F11: variants seen among roughly 807,000 people sequenced by gnomAD.
The protein encoded by F11 is coagualtion factor XI.
In F11, 78 loss-of-function variants were observed where a neutral mutation model predicts 76.5. The ratio of observed to expected loss-of-function variants is 1.02; its 90% confidence interval spans 0.85 to 1.23. The LOEUF is 1.23. Among genes scored for constraint, F11 ranks in the 50% most tolerant of loss-of-function variants. The probability of loss-of-function intolerance (pLI) is 0.00; values close to 1 mark genes in which losing one functional copy is unlikely to be tolerated. For missense variants in F11, 742 were observed against 771.4 expected (o/e 0.96, Z 0.45); for synonymous variants, 278 against 276.3 (o/e 1.01, Z -0.06).
At chr4:186,279,210 C>T (rs374375137) in intron 7 of F11, among the ~76,000 whole-genome samples, 21 of 152,112 alleles carry the variant, frequency 1.4e-4, no homozygotes, top group Middle Eastern at 3.4e-3. Flanking sequence ...GGTGAAACCC[C>T]GTCTCTACTA....
rs760075694 is a variant in F11 at position 186,273,190 on chromosome 4, C to T, written c.325+13C>T. On this transcript the variant is annotated intron_variant, in intron 4 of 14. Coordinates refer to ENST00000403665, the MANE Select transcript of F11 (RefSeq NM_000128.4). ...CACCAAATAAGCGGTAAGATATGTT[C>T]TCAGAATCAACAAATACCAGCTGTG... 6.3e-7 allele frequency: 1 copy of T among 1,589,490 alleles called. No individual in the cohort carries two copies. The highest frequency in any genetic ancestry group is 1.3e-5 in the African/African-American group (1 of 74,594).
rs1741191220 is a variant in F11 at position 186,286,090 on chromosome 4, A to G, written c.1480+277A>G. On this transcript the variant is annotated intron_variant, in intron 12 of 14. Coordinates refer to ENST00000403665, the MANE Select transcript of F11 (RefSeq NM_000128.4). ...TTCATAATACTTTGGAATAGTAAAGATAATTTAGTCTAAAGATAATTTATT... is the reference window on the plus strand; with the variant it reads ...TTCATAATACTTTGGAATAGTAAAGGTAATTTAGTCTAAAGATAATTTATT... 3 of 542,132 alleles carry G rather than the reference A, an allele frequency of 5.5e-6. No individual in the cohort carries two copies. The Admixed American group carries it at 9.5e-5, about 17-fold the overall frequency. 33.6% of individuals were successfully genotyped at this position (542,132 alleles called of 1,614,324 possible). A position where few individuals can be genotyped will look rare whatever the true frequency, so the allele number is the denominator to read the frequency against.
chr4:186,284,981 G>A (rs953053425), intron 11 of F11, among the ~76,000 whole-genome samples: 9 of 151,980 alleles, frequency 5.9e-5, no homozygotes, highest in African/African-American at 1.7e-4. Flanking sequence ...GAACGAGTTC[G>A]GTATGCATCC....
At chr4:186,276,468 T>G in intron 7 of F11, 78 bp downstream of exon 7, 5 of 1,541,352 alleles carry the variant, frequency 3.2e-6, no homozygotes, top group Non-Finnish European at 4.5e-6. Flanking sequence ...AAATTCCAAG[T>G]AACTAAAAAT....
rs1339055574 is a variant in F11, at chr4:186,280,303, G to T, written c.946G>T (p.Ala316Ser). 1 of 1,614,132 alleles carries T rather than the reference G, an allele frequency of 6.2e-7. No individual in the cohort carries two copies. The highest frequency in any genetic ancestry group is 1.1e-5 in the South Asian group (1 of 91,084). Reference sequence around the variant, plus strand: ...TATTGTTGCTGCAAAAAGTCACGAGGCCTGCCAGAAACTGTGCACCAATGC... The same window carrying T: ...TATTGTTGCTGCAAAAAGTCACGAGTCCTGCCAGAAACTGTGCACCAATGC... ...LDIVAAKSHEACQKLCTNAVR... is the reference protein window; with the variant it reads ...LDIVAAKSHESCQKLCTNAVR... The change falls in exon 9 of 15, where the codon GCC (alanine) becomes TCC (serine). Residue 316 changes from alanine (A) to serine (S), a missense_variant. Physicochemically the swap from Ala to Ser is moderately conservative, Grantham distance 99 (BLOSUM62 1). Transcript: ENST00000403665.
chr4:186,287,671 A>C lies in F11; in HGVS notation c.1577-13A>C, dbSNP rs1192397190. 1.9e-6 allele frequency: 3 copies of C among 1,604,838 alleles called. No homozygotes were observed. The highest frequency in any genetic ancestry group is 3.4e-5 in the Admixed American group (2 of 59,684). The stretch of plus-strand genomic sequence containing the variant: ...TGGTTATTCTACAAACGAACCAAAA[A>C]AATTTTTTTCAGACAAAATACAAAA... On this transcript the variant is annotated splice_polypyrimidine_tract_variant and intron_variant, in intron 13 of 14. Coordinates refer to ENST00000403665, the MANE Select transcript of F11 (RefSeq NM_000128.4).
At chr4:186,280,441 A>C (rs1033038006) in intron 9 of F11, 33 bp from the exon 10 acceptor site, 3 of 1,614,016 alleles carry the variant, frequency 1.9e-6, no homozygotes, top group South Asian at 1.1e-5. Flanking sequence ...TGTGAGGTGC[A>C]TTATGTTTAT....
chr4:186,269,589 C>T (rs554705321), intron 2 of F11, among the ~76,000 whole-genome samples: 2 of 152,180 alleles, frequency 1.3e-5, no homozygotes, highest in South Asian at 4.2e-4. Flanking sequence ...TTGCCAGGGG[C>T]CGAGGGGCCA....
intron 2 of F11, among the ~76,000 whole-genome samples, chr4:186,267,761 T>C (rs1580061039): frequency 6.6e-6 from 1 of 152,330 alleles, no homozygotes; most frequent in South Asian, 2.1e-4. Context: ...GAAGCATTCC[T>C]TTAGAAAAAT....
At chr4:186,275,995 G>A (rs1035389369) in intron 6 of F11, 99 bp downstream of exon 6, 7 of 1,069,542 alleles carry the variant, frequency 6.5e-6, no homozygotes, top group Admixed American at 4.0e-5. Flanking sequence ...ACGATGAAAC[G>A]GACCCAAAGA....
chr4:186,290,398 T>A (rs533329439), downstream of F11, among the ~76,000 whole-genome samples: 10 of 152,178 alleles, frequency 6.6e-5, no homozygotes, highest in East Asian at 1.9e-3. Context: ...TCAAACAAAA[T>A]TGGAATTGAA....
chr4:186,273,124 G>A lies in F11; in HGVS notation c.272G>A (p.Arg91Lys). 1 of 1,614,002 alleles carries A rather than the reference G, an allele frequency of 6.2e-7. No individual in the cohort carries two copies. Among genetic ancestry groups the A allele is most frequent in the Non-Finnish European group, 8.5e-7 (1 of 1,179,922 alleles). The part of the protein sequence containing the change: ...SVTETLPRVN[R>K]TAAISGYSFK... ...ACAGAAACACTGCCAAGAGTGAATA[G>A]GACAGCAGCGATTTCTGGGTATTCT... is the stretch of plus-strand genomic sequence containing the variant. Residue 91 changes from arginine (R) to lysine (K), a missense_variant, in exon 4 of 15, where the codon AGG (arginine) becomes AAG (lysine). Arg to Lys is a conservative substitution (Grantham distance 26). Coordinates refer to ENST00000403665, the MANE Select transcript of F11 (RefSeq NM_000128.4).
chr4:186,281,158 C>T (rs994181582), intron 10 of F11, among the ~76,000 whole-genome samples: 2 of 152,150 alleles, frequency 1.3e-5, no homozygotes, highest in Non-Finnish European at 2.9e-5. Flanking sequence ...CACCCAGCCA[C>T]AACTGGCATT....
chr4:186,271,758 G>T lies in F11; in HGVS notation c.205G>T (p.Asp69Tyr). Residue 69 changes from aspartate to tyrosine, a missense_variant, in exon 3 of 15, where the codon GAT (aspartate) becomes TAT (tyrosine). Coordinates refer to ENST00000403665, the MANE Select transcript of F11 (RefSeq NM_000128.4). ...FTFTAESPSEDPTRWFTCVLK... is the reference protein window; with the variant it reads ...FTFTAESPSEYPTRWFTCVLK... The stretch of plus-strand genomic sequence containing the variant: ...TTTCACGGCGGAATCACCATCTGAG[G>T]ATCCCACCCGATGGTAAATGCTTAT... 6.2e-7 allele frequency: 1 copy of T among 1,614,150 alleles called. No individual in the cohort carries two copies. The highest frequency in any genetic ancestry group is 8.5e-7 in the Non-Finnish European group (1 of 1,180,012).
intron 12 of F11, 145 bp downstream of exon 12, chr4:186,285,958 C>A: frequency 1.1e-6 from 1 of 915,360 alleles, no homozygotes; most frequent in Non-Finnish European, 1.8e-6. Context: ...TAGTCATTCA[C>A]TCTGCTAAGG....
chr4:186,277,268 T>C (rs892317781), intron 7 of F11, among the ~76,000 whole-genome samples: 1 of 152,248 alleles, frequency 6.6e-6, no homozygotes, highest in Non-Finnish European at 1.5e-5. Flanking sequence ...TAACATTCTA[T>C]AGTATATTCT....
intron 4 of F11, among the ~76,000 whole-genome samples, chr4:186,273,819 G>A (rs1358459874): frequency 1.3e-5 from 2 of 152,176 alleles, no homozygotes; most frequent in Non-Finnish European, 2.9e-5. Flanking sequence ...TCTTAATAGT[G>A]AATAGATACT....
In F11 at chr4:186,271,694, G is replaced by C. The variant is rs778981487; in HGVS notation, c.141G>C (p.Gln47His). Residue 47 changes from glutamine (Q) to histidine (H), a missense_variant, in exon 3 of 15, where the codon CAG becomes CAC. Gln to His is a conservative substitution (Grantham distance 24, BLOSUM62 0). Transcript: ENST00000403665. ...TVFTPSAKYCQVVCTYHPRCL... is the reference protein window; with the variant it reads ...TVFTPSAKYCHVVCTYHPRCL... Reference sequence around the variant, plus strand: ...TCACACCAAGCGCCAAGTACTGCCAGGTAGTCTGCACTTACCACCCAAGAT... The same window carrying C: ...TCACACCAAGCGCCAAGTACTGCCACGTAGTCTGCACTTACCACCCAAGAT... 1.6e-5 allele frequency: 26 copies of C among 1,614,044 alleles called. No homozygotes were observed. The highest frequency in any genetic ancestry group is 2.0e-5 in the Non-Finnish European group (24 of 1,180,016).
intron 10 of F11, chr4:186,281,835 C>A: frequency 1.0e-5 from 12 of 1,183,250 alleles, no homozygotes; most frequent in Non-Finnish European, 1.2e-5. Context: ...ACCGAGAAGG[C>A]GAATCAATCC....
Sources: gnomAD v4.1 joint callset for allele counts (sites outside exome capture counted in the v4.1 genomes callset) on GRCh38, gnomAD v4.1.1 for gene constraint, MANE v1.5 for transcripts, NCBI Gene and HGNC (gene_info 2026-07-23, HGNC 2026-07-21) for gene names.